GLP2R: variants seen among roughly 807,000 people sequenced by gnomAD.
GLP2R encodes glucagon like peptide 2 receptor.
Under a neutral mutation model 68.2 loss-of-function variants are expected in GLP2R, and 59 were observed. The ratio of observed to expected loss-of-function variants is 0.87; its 90% CI spans 0.70 to 1.07. The LOEUF (loss-of-function observed/expected upper bound fraction) is 1.07, where lower values mean the gene tolerates loss of function less well. GLP2R is among the 50% of genes least tolerant of loss of function. GLP2R has a pLI of 0.00. For synonymous variants in GLP2R, 270 were observed against 265.4 expected, an observed-to-expected ratio of 1.02 and a Z score of -0.17; for missense variants, 548 against 677.4, an observed-to-expected ratio of 0.81 and a Z score of 2.12.
At position 9,857,467 on chromosome 17, in the gene GLP2R, C is replaced by T. The variant is rs752742094; in HGVS notation, c.656C>T (p.Ala219Val). 1.2e-6 allele frequency: 2 copies of T among 1,614,182 alleles called. No homozygotes were observed. The highest frequency in any genetic ancestry group is 1.7e-5 in the Admixed American group (1 of 60,024). Reference sequence around the variant, plus strand: ...AACTACATCCACATGAACTTGTTTGCTTCTTTCATCCTGAGAACCCTGGCT... The same window carrying T: ...AACTACATCCACATGAACTTGTTTGTTTCTTTCATCCTGAGAACCCTGGCT... ...TRNYIHMNLF[A>V]SFILRTLAVL... Residue 219 changes from alanine (A) to valine (V), a missense_variant, in exon 6 of 13, where the codon GCT (alanine) becomes GTT (valine). Physicochemically the swap from Ala to Val is moderately conservative, Grantham distance 64. Coordinates refer to ENST00000262441, the MANE Select transcript of GLP2R (RefSeq NM_004246.3).
rs932925063 is a variant in GLP2R at position 9,854,498 on chromosome 17, G to A, written c.508G>A (p.Asp170Asn). 14 of 1,593,498 alleles carry A rather than the reference G, an allele frequency of 8.8e-6. No homozygotes were observed. Among genetic ancestry groups the A allele is most frequent in the Non-Finnish European group, 1.2e-5 (14 of 1,161,250 alleles). Residue 170 changes from aspartate to asparagine, a missense_variant, in exon 5 of 13, where the codon GAT becomes AAT. Physicochemically the swap from Asp to Asn is conservative, Grantham distance 23. Transcript: ENST00000262441. Reference protein sequence around the residue: ...SENHSFKQNVDRYALLSTLQL... With the variant: ...SENHSFKQNVNRYALLSTLQL... Reference sequence around the variant, plus strand: ...TCTGCTCTTCCTCTGTGTTCAGGTGGATCGTTATGCCTTGCTGTCAACCTT... The same window carrying A: ...TCTGCTCTTCCTCTGTGTTCAGGTGAATCGTTATGCCTTGCTGTCAACCTT...
chr17:9,865,846 G>C (rs1330549273), intron 9 of GLP2R: 1 of 471,216 alleles, frequency 2.1e-6, no homozygotes, highest in South Asian at 1.5e-5. Context: ...ACTTGGACTA[G>C]AGGAAACGGG....
At chr17:9,842,900 C>T (rs963551961) in intron 4 of GLP2R, among the ~76,000 whole-genome samples, 5 of 152,176 alleles carry the variant, frequency 3.3e-5, no homozygotes, top group Non-Finnish European at 5.9e-5. Context: ...TGTCCCAGCT[C>T]CCCTGTGGCT....
At chr17:9,847,131 G>A (rs1369577339) in intron 4 of GLP2R, among the ~76,000 whole-genome samples, 1 of 152,204 alleles carries the variant, frequency 6.6e-6, no homozygotes, top group Non-Finnish European at 1.5e-5. Flanking sequence ...TTCTCCTCAT[G>A]CAGATACAAC....
At chr17:9,863,918 G>A (rs1024968135) in intron 9 of GLP2R, among the ~76,000 whole-genome samples, 9 of 152,154 alleles carry the variant, frequency 5.9e-5, no homozygotes, top group African/African-American at 2.2e-4. Context: ...GCACACTCAT[G>A]GCCTACATTC....
chr17:9,871,376 G>C (rs973799686), intron 10 of GLP2R, among the ~76,000 whole-genome samples: 8 of 152,066 alleles, frequency 5.3e-5, no homozygotes, highest in Non-Finnish European at 8.8e-5. Flanking sequence ...CTAAGAATGG[G>C]TGGTTGTGGG....
intron 7 of GLP2R, 82 bp from the exon 8 acceptor site, chr17:9,861,057 G>T: frequency 2.1e-6 from 2 of 941,652 alleles, no homozygotes; most frequent in South Asian, 2.6e-5. Flanking sequence ...ACCACCTGTG[G>T]TTAGCCTCAT....
Position 9,880,387 on chromosome 17 carries a change from A to G in GLP2R, c.1155A>G (p.Lys385=). The G allele has an allele frequency of 1.3e-6, 2 of 1,593,692 alleles. No homozygotes were observed. The highest frequency in any genetic ancestry group is 1.7e-6 in the Non-Finnish European group (2 of 1,167,344). ...TGGTTGTCATTTACAGATTGGCAAA[A>G]TCAACACTGGTCCTCATTCCTTTAT... ...CFRDYKYRLA[K]STLVLIPLLG... Residue 385 remains lysine, a synonymous_variant, in exon 11 of 13, where the codon AAA becomes AAG. Coordinates refer to ENST00000262441, the MANE Select transcript of GLP2R (RefSeq NM_004246.3).
intron 4 of GLP2R, among the ~76,000 whole-genome samples, chr17:9,844,619 AC>A: frequency 6.9e-6 from 1 of 144,166 alleles, no homozygotes; most frequent in Middle Eastern, 3.9e-3. Flanking sequence ...TGAGAAGGAT[AC>A]AGGGAGAGGC....
At chr17:9,877,263 AAC>A (rs1425380635) in intron 10 of GLP2R, among the ~76,000 whole-genome samples, 2 of 152,232 alleles carry the variant, frequency 1.3e-5, no homozygotes, top group African/African-American at 2.4e-5. Flanking sequence ...AATGAGCATA[AAC>A]ACAGTCTGTA....
chr17:9,844,838 G>A (rs1469755382), intron 4 of GLP2R, among the ~76,000 whole-genome samples: 4 of 149,964 alleles, frequency 2.7e-5, no homozygotes, highest in Admixed American at 6.6e-5. Flanking sequence ...CTACAGGTGC[G>A]TGCCACCACG....
chr17:9,857,263 G>A (rs529735542), intron 5 of GLP2R, among the ~76,000 whole-genome samples, 160 bp from the exon 6 acceptor site: 1 of 152,272 alleles, frequency 6.6e-6, no homozygotes, highest in African/African-American at 2.4e-5. Flanking sequence ...ACGAAACTGA[G>A]GCACAGAGAT....
chr17:9,872,695 C>T (rs975474910), intron 10 of GLP2R, among the ~76,000 whole-genome samples: 1 of 152,246 alleles, frequency 6.6e-6, no homozygotes, highest in African/African-American at 2.4e-5. Flanking sequence ...ACGGAGGGAG[C>T]TGGCCACGAC....
intron 5 of GLP2R, among the ~76,000 whole-genome samples, chr17:9,857,093 T>C (rs1337356227): frequency 6.6e-6 from 1 of 152,158 alleles, no homozygotes; most frequent in African/African-American, 2.4e-5. Flanking sequence ...AGCTAACTTT[T>C]GTATTATTAG....
At chr17:9,859,634 A>ATAT (rs1555571767) in intron 6 of GLP2R, among the ~76,000 whole-genome samples, 16 of 99,380 alleles carry the variant, frequency 1.6e-4, no homozygotes, top group African/African-American at 8.2e-4. Context: ...CTACTAAAAA[A>ATAT]AAATATATAT....
At chr17:9,887,901 G>T in intron 11 of GLP2R, 31 bp from the exon 12 acceptor site, 1 of 1,585,256 alleles carries the variant, frequency 6.3e-7, no homozygotes, top group South Asian at 1.1e-5. Context: ...TCCGGAGTCA[G>T]ATTTTATGCC....
chr17:9,859,466 G>A (rs2066964299), intron 6 of GLP2R, among the ~76,000 whole-genome samples: 1 of 151,880 alleles, frequency 6.6e-6, no homozygotes, highest in Non-Finnish European at 1.5e-5. Context: ...ACCTCCCTGA[G>A]ATGGTCAGCA....
chr17:9,887,397 G>A (rs1197765860), intron 11 of GLP2R, among the ~76,000 whole-genome samples: 6 of 152,144 alleles, frequency 3.9e-5, no homozygotes, highest in Non-Finnish European at 8.8e-5. Context: ...GCGTGGTGGC[G>A]TCCGCCTGTA....
At chr17:9,865,853 C>T (rs776969809) in intron 9 of GLP2R, 56 of 471,018 alleles carry the variant, frequency 1.2e-4, no homozygotes, top group Admixed American at 8.7e-4. Flanking sequence ...CTAGAGGAAA[C>T]GGGCTTGAAG....
Sources: gnomAD v4.1 joint callset for allele counts (sites outside exome capture counted in the v4.1 genomes callset) on GRCh38, gnomAD v4.1.1 for gene constraint, MANE v1.5 for transcripts, NCBI Gene and HGNC (gene_info 2026-07-23, HGNC 2026-07-21) for gene names.